CCDC9: variants seen among roughly 807,000 people sequenced by gnomAD.
CCDC9 encodes coiled-coil domain-containing protein 9.
In CCDC9, 52 loss-of-function variants were observed where a neutral mutation model predicts 65.6. The observed-to-expected ratio is 0.79, with a 90% confidence interval of 0.63 to 1.00. The LOEUF (loss-of-function observed/expected upper bound fraction) is 1.00. Ranked by LOEUF, CCDC9 falls within the 50% of genes least tolerant of loss-of-function variation. The pLI, the probability that CCDC9 is intolerant of heterozygous loss-of-function variation, is 0.00. For synonymous variants in CCDC9, 332 were observed against 280.3 expected, an observed-to-expected ratio of 1.18 and a Z score of -1.84; for missense variants, 834 against 757.2, an observed-to-expected ratio of 1.10 and a Z score of -1.19.
In CCDC9 at chr19:47,270,688, G is replaced by C; in HGVS notation, c.1085G>C (p.Ser362Thr). The C allele has an allele frequency of 1.2e-6, 2 of 1,609,990 alleles. No individual in the cohort carries two copies. The highest frequency in any genetic ancestry group is 1.7e-6 in the Non-Finnish European group (2 of 1,179,518). Residue 362 changes from serine (S) to threonine (T), a missense_variant and splice_region_variant, in exon 10 of 12, where the codon AGT (serine) becomes ACT (threonine). Physicochemically the swap from Ser to Thr is moderately conservative, Grantham distance 58. Coordinates refer to ENST00000221922, the MANE Select transcript of CCDC9 (RefSeq NM_015603.3). Reference sequence around the variant, plus strand: ...GCCAAGGCAGCGCCCAGGGCCTACAGGTGGGGCACCCCTTCTGCGGGCTTG... The same window carrying C: ...GCCAAGGCAGCGCCCAGGGCCTACACGTGGGGCACCCCTTCTGCGGGCTTG... ...PQAKAAPRAYSDHDDRWETKE... is the reference protein window; with the variant it reads ...PQAKAAPRAYTDHDDRWETKE...
chr19:47,271,689 CTGTGTGTGTGTGTGTGTGTGTGTG>C lies in CCDC9; in HGVS notation c.*32_*55del. ...TTTGAGAGTGTATGAAGCTGGCTGCCTGTGTGTGTGTGTGTGTGTGTGTGTGTGTGTGTGTGTGTGTGTGCGCGC... is the reference window on the plus strand; with the variant it reads ...TTTGAGAGTGTATGAAGCTGGCTGCCTGTGTGTGTGTGTGTGTGTGCGCGC... On this transcript the variant is annotated 3_prime_UTR_variant, in exon 12 of 12. Transcript: ENST00000221922. 2.7e-6 allele frequency: 3 copies of C among 1,125,994 alleles called. No individual in the cohort carries two copies. The highest frequency in any genetic ancestry group is 3.7e-6 in the Non-Finnish European group (3 of 803,496). The allele number at this position is 1,125,994 out of a possible 1,614,324, so 69.8% of individuals were successfully genotyped here.
Position 47,271,642 on chromosome 19 carries a change from C to G in CCDC9, c.1560C>G (p.Leu520=). 6.2e-7 allele frequency: 1 copy of G among 1,605,788 alleles called. No homozygotes were observed. The highest frequency in any genetic ancestry group is 1.1e-5 in the South Asian group (1 of 90,760). The part of the protein sequence containing the change: ...SPRTTHLAGA[L]SPGEAWPFES... ...GGACCACTCACCTGGCTGGCGCCCTCTCCCCGGGTGAGGCCTGGCCTTTTG... is the reference window on the plus strand; with the variant it reads ...GGACCACTCACCTGGCTGGCGCCCTGTCCCCGGGTGAGGCCTGGCCTTTTG... Residue 520 remains leucine, a synonymous_variant, in exon 12 of 12, where the codon CTC becomes CTG. Coordinates refer to ENST00000221922, the MANE Select transcript of CCDC9 (RefSeq NM_015603.3).
chr19:47,258,243 A>G (rs1276792453), intron 1 of CCDC9, 87 bp from the exon 2 acceptor site: 6 of 720,744 alleles, frequency 8.3e-6, no homozygotes, highest in Non-Finnish European at 1.5e-5. Flanking sequence ...TTTTTTGTGT[A>G]TGGCTGTGAG....
intron 5 of CCDC9, among the ~76,000 whole-genome samples, chr19:47,263,570 T>G (rs1268289246): frequency 6.6e-6 from 1 of 152,192 alleles, no homozygotes; most frequent in Non-Finnish European, 1.5e-5. Flanking sequence ...TTTTAAAATT[T>G]CTTTTTGTTT....
At chr19:47,272,485 G>A (rs1026819762), downstream of CCDC9, among the ~76,000 whole-genome samples, 3 of 150,646 alleles carry the variant, frequency 2.0e-5, no homozygotes, top group Non-Finnish European at 4.4e-5. Flanking sequence ...GGTGTGGATC[G>A]GATGCCTTGG....
chr19:47,268,439 C>T (rs761737315), intron 8 of CCDC9, among the ~76,000 whole-genome samples: 7 of 152,084 alleles, frequency 4.6e-5, no homozygotes, highest in Non-Finnish European at 1.0e-4. Flanking sequence ...GGTCGGGAAG[C>T]ATTTTGTTGT....
chr19:47,275,399 C>G (rs945918947), downstream of CCDC9: 10 of 1,513,228 alleles, frequency 6.6e-6, no homozygotes, highest in Non-Finnish European at 8.9e-6. Flanking sequence ...GCTCTGTGCT[C>G]CACGCCGAGG....
chr19:47,269,677 G>A (rs2059103284), intron 8 of CCDC9, among the ~76,000 whole-genome samples: 1 of 152,158 alleles, frequency 6.6e-6, no homozygotes, highest in Non-Finnish European at 1.5e-5. Context: ...AGGCCTCTTA[G>A]CAGAGCCCTG....
intron 7 of CCDC9, among the ~76,000 whole-genome samples, chr19:47,265,574 G>A (rs1363258188): frequency 6.6e-6 from 1 of 152,088 alleles, no homozygotes; most frequent in East Asian, 1.9e-4. Flanking sequence ...TCAGTACCAC[G>A]TGGCTCTAGT....
At chr19:47,266,376 G>A in intron 7 of CCDC9, 3 of 489,026 alleles carry the variant, frequency 6.1e-6, no homozygotes, top group South Asian at 8.0e-5. Flanking sequence ...ATAGTGAGAT[G>A]TGAGGTCCTA....
Position 47,260,669 on chromosome 19 carries a change from C to A in CCDC9, c.292C>A (p.Gln98Lys), listed in dbSNP as rs759960613. ...GASKGGRTPP[Q>K]QGGRAGMGRA... is the part of the protein sequence containing the mutation. ...CAGCAAGGGGGGCCGGACTCCTCCA[C>A]AGCAGGGAGGCCGGGCCGGCATGGG... Residue 98 changes from glutamine (Q) to lysine (K), a missense_variant, in exon 5 of 12, where the codon CAG (glutamine) becomes AAG (lysine). By Grantham distance (53) the Gln-to-Lys change is moderately conservative. Transcript: ENST00000221922. 2 of 1,537,864 alleles carry A rather than the reference C, an allele frequency of 1.3e-6. No homozygotes were observed. Among genetic ancestry groups the A allele is most frequent in the Non-Finnish European group, 1.7e-6 (2 of 1,150,462 alleles).
Position 47,260,651 on chromosome 19 carries a change from G to A in CCDC9, c.274G>A (p.Gly92Arg), listed in dbSNP as rs200713204. 3.3e-6 allele frequency: 5 copies of A among 1,524,730 alleles called. No individual in the cohort carries two copies. The highest frequency in any genetic ancestry group is 2.3e-5 in the East Asian group (1 of 44,266). The allele number at this position is 1,524,730 out of a possible 1,614,324, so 94.5% of individuals were successfully genotyped here. A position where few individuals can be genotyped will look rare whatever the true frequency, so the allele number is the denominator to read the frequency against. The stretch of plus-strand genomic sequence containing the variant: ...CCCTCGGCCCCCAGGGGCCAGCAAG[G>A]GGGGCCGGACTCCTCCACAGCAGGG... Reference protein sequence around the residue: ...GTPRPPGASKGGRTPPQQGGR... With the variant: ...GTPRPPGASKRGRTPPQQGGR... The change falls in exon 5 of 12, where the codon GGG (glycine) becomes AGG (arginine). Residue 92 changes from glycine to arginine, a missense_variant. Physicochemically the swap from Gly to Arg is moderately radical, Grantham distance 125. Transcript: ENST00000221922.
At chr19:47,260,033 C>T (rs144385602) in intron 3 of CCDC9, among the ~76,000 whole-genome samples, 15 of 152,252 alleles carry the variant, frequency 9.9e-5, no homozygotes, top group African/African-American at 2.4e-4. Context: ...GCAAGGAAGC[C>T]GGAGTGATCG....
At position 47,270,586 on chromosome 19, in the gene CCDC9, CT is replaced by C; in HGVS notation, c.984del (p.Thr329LeufsTer99). 6.2e-7 allele frequency: 1 copy of C among 1,613,862 alleles called. No individual in the cohort carries two copies. Among genetic ancestry groups the C allele is most frequent in the Non-Finnish European group, 8.5e-7 (1 of 1,180,024 alleles). On this transcript the variant is annotated frameshift_variant, in exon 10 of 12. Transcript: ENST00000221922. LOFTEE classifies it high-confidence loss of function. ...DQAWARPPKP[P>X]TFGEFLSQHK... ...GCCTGGGCCCGGCCCCCGAAGCCCC[CT>C]ACTTTTGGGGAGTTCCTGTCCCAGC...
In CCDC9 at chr19:47,271,204, G is replaced by T. The variant is rs200934272; in HGVS notation, c.1191+17G>T. On this transcript the variant is annotated intron_variant, in intron 11 of 11. Coordinates refer to ENST00000221922, the MANE Select transcript of CCDC9 (RefSeq NM_015603.3). ...CCCATGCAGGTGAGGCTGGGCTGTG[G>T]TTCAGGGCACGGGCCTGGGGTGGGG... 135 of 1,605,882 alleles carry T rather than the reference G, an allele frequency of 8.4e-5. No individual in the cohort carries two copies. The highest frequency in any genetic ancestry group is 1.2e-5 in the Non-Finnish European group (14 of 1,176,216).
chr19:47,258,458 G>A, intron 2 of CCDC9, 55 bp downstream of exon 2: 1 of 1,612,708 alleles, frequency 6.2e-7, no homozygotes, highest in Non-Finnish European at 8.5e-7. Flanking sequence ...GGGGGCTTGG[G>A]AGGATGGGAT....
intron 1 of CCDC9, 134 bp from the exon 2 acceptor site, chr19:47,258,192 AGGAG>A: frequency 1.7e-6 from 1 of 604,290 alleles, no homozygotes; most frequent in Admixed American, 3.0e-5. Context: ...GGCAGTTGAA[AGGAG>A]GGAGAGTGAG....
chr19:47,264,693 G>A lies in CCDC9; in HGVS notation c.546+7G>A. The A allele has an allele frequency of 6.2e-7, 1 of 1,604,038 alleles. No individual in the cohort carries two copies. Among genetic ancestry groups the A allele is most frequent in the Non-Finnish European group, 8.5e-7 (1 of 1,175,536 alleles). On this transcript the variant is annotated splice_region_variant and intron_variant, in intron 6 of 11. Coordinates refer to ENST00000221922, the MANE Select transcript of CCDC9 (RefSeq NM_015603.3). Reference sequence around the variant, plus strand: ...GTATGAGCGCAACCAGCGGGTCAGTGGTGCGGGTGTCCCCGAGGCAGGGCC... The same window carrying A: ...GTATGAGCGCAACCAGCGGGTCAGTAGTGCGGGTGTCCCCGAGGCAGGGCC...
At chr19:47,266,891 G>C in intron 8 of CCDC9, 99 bp downstream of exon 8, 1 of 1,373,184 alleles carries the variant, frequency 7.3e-7, no homozygotes, top group South Asian at 1.4e-5. Context: ...CTGTGTATGA[G>C]TGAGTGACTG....
Sources: gnomAD v4.1 joint callset for allele counts (sites outside exome capture counted in the v4.1 genomes callset) on GRCh38, gnomAD v4.1.1 for gene constraint, MANE v1.5 for transcripts, NCBI Gene and HGNC (gene_info 2026-07-23, HGNC 2026-07-21) for gene names.